Variants in CACNA1D observed in about 807,000 individuals in gnomAD.
The protein encoded by CACNA1D is voltage-dependent L-type calcium channel subunit alpha-1D.
CACNA1D carries 55 observed loss-of-function variants against 257.1 expected under a neutral mutation model. The ratio of observed to expected loss-of-function variants is 0.21; its 90% CI spans 0.17 to 0.27. CACNA1D has a LOEUF of 0.27. Ranked by LOEUF, CACNA1D falls within the 10% of genes least tolerant of loss-of-function variation. CACNA1D has a pLI of 1.00. For missense variants in CACNA1D, 1,876 were observed against 2,784.0 expected (o/e 0.67, Z 7.34); for synonymous variants, 980 against 1,014.9 (o/e 0.97, Z 0.65).
At chr3:53,635,951 A>G (rs1379356475) in intron 3 of CACNA1D, among the ~76,000 whole-genome samples, 1 of 152,050 alleles carries the variant, frequency 6.6e-6, no homozygotes, top group Admixed American at 6.5e-5. Context: ...TGCTCTAGAA[A>G]CCAACCACCG....
chr3:53,547,317 GA>G (rs1385130202), intron 3 of CACNA1D, among the ~76,000 whole-genome samples: 6 of 152,158 alleles, frequency 3.9e-5, no homozygotes, highest in Non-Finnish European at 8.8e-5. Flanking sequence ...CCTGTGTTAG[GA>G]ATGCTGCTAA....
Position 53,722,303 on chromosome 3 carries a change from T to G in CACNA1D, c.1506-11T>G, listed in dbSNP as rs1325439690. ...CTGTCATCTACGTAGTAATGTTTGC[T>G]TGTCTTTTAGCCGACGCTGGCGTCG... On this transcript the variant is annotated splice_polypyrimidine_tract_variant and intron_variant, in intron 11 of 47. Coordinates refer to ENST00000350061, the MANE Select transcript of CACNA1D (RefSeq NM_001128840.3). 6.2e-7 allele frequency: 1 copy of G among 1,614,012 alleles called. No individual in the cohort carries two copies. The highest frequency in any genetic ancestry group is 8.5e-7 in the Non-Finnish European group (1 of 1,180,002).
intron 3 of CACNA1D, among the ~76,000 whole-genome samples, chr3:53,566,266 C>G (rs982819665): frequency 1.1e-4 from 17 of 152,104 alleles, no homozygotes; most frequent in African/African-American, 3.6e-4. Flanking sequence ...TTACTGACAT[C>G]CCCCTTCTCT....
chr3:53,622,766 C>T (rs2093710958), intron 3 of CACNA1D, among the ~76,000 whole-genome samples: 1 of 152,034 alleles, frequency 6.6e-6, no homozygotes, highest in Admixed American at 6.5e-5. Flanking sequence ...GTAGAAACAG[C>T]ATAGATGTCC....
At chr3:53,702,522 G>T in intron 8 of CACNA1D, 119 bp from the exon 9 acceptor site, 1 of 918,640 alleles carries the variant, frequency 1.1e-6, no homozygotes, top group South Asian at 1.5e-5. Context: ...CTGTGCTCAT[G>T]TGACTATACT....
intron 5 of CACNA1D, among the ~76,000 whole-genome samples, chr3:53,664,274 G>T (rs1475404130): frequency 6.6e-6 from 1 of 152,070 alleles, no homozygotes; most frequent in Non-Finnish European, 1.5e-5. Context: ...TTTGCCTCAA[G>T]ACCCTGGCTC....
intron 3 of CACNA1D, among the ~76,000 whole-genome samples, chr3:53,589,706 C>T (rs1258832946): frequency 6.6e-6 from 1 of 152,148 alleles, no homozygotes; most frequent in Non-Finnish European, 1.5e-5. Flanking sequence ...AACTCCTGGC[C>T]TCGAGTGATC....
At chr3:53,792,864 T>C (rs888385022) in intron 40 of CACNA1D, among the ~76,000 whole-genome samples, 1 of 152,140 alleles carries the variant, frequency 6.6e-6, no homozygotes, top group African/African-American at 2.4e-5. Context: ...ATTATGGAAA[T>C]GGGCCTAGCT....
In CACNA1D at chr3:53,732,915, C is replaced by T. The variant is rs750037377; in HGVS notation, c.2574C>T (p.Ala858=). The T allele has an allele frequency of 6.2e-7, 1 of 1,613,954 alleles. No individual in the cohort carries two copies. Among genetic ancestry groups the T allele is most frequent in the Admixed American group, 1.7e-5 (1 of 60,002 alleles). The change falls in exon 19 of 48, where the codon GCC becomes GCT. Residue 858 remains alanine, a synonymous_variant. Transcript: ENST00000350061. ...AGTTGAACATGAAGGAAAAAATTGC[C>T]CCCATCCCTGAAGGGAGCGCTTTCT... ...ISELNMKEKI[A]PIPEGSAFFI...
rs72966334 is a variant in CACNA1D, at chr3:53,595,335, A to G, written c.484-55444A>G. Among the ~76,000 whole-genome samples, 1,122 of 152,302 alleles carry G rather than the reference A, an allele frequency of 7.4e-3. 12 individuals are homozygous for G. The highest frequency in any genetic ancestry group is 0.025 in the African/African-American group (1,051 of 41,540). On this transcript the variant is annotated intron_variant, in intron 3 of 47. Coordinates refer to ENST00000350061, the MANE Select transcript of CACNA1D (RefSeq NM_001128840.3). ...GCATTTGGAGGATTTGGGTGGATCT[A>G]AGAATATTTTCATTTGGAAGAACAG...
rs370024486 is a variant in CACNA1D, at chr3:53,718,731, C to T, written c.1478+343C>T. On this transcript the variant is annotated intron_variant, in intron 10 of 47. Transcript: ENST00000350061. ...GGCCAAGGCGGGGCCCTCTGGGTGT[C>T]GGCGGTGGGGGTAAAGGCCTGATTC... 8.7e-5 allele frequency: 136 copies of T among 1,556,432 alleles called. No homozygotes were observed. The highest frequency in any genetic ancestry group is 8.5e-5 in the Non-Finnish European group (98 of 1,150,474).
Position 53,508,224 on chromosome 3 carries a change from C to T in CACNA1D, c.483+6504C>T, listed in dbSNP as rs140169390. On this transcript the variant is annotated intron_variant, in intron 3 of 47. Coordinates refer to ENST00000350061, the MANE Select transcript of CACNA1D (RefSeq NM_001128840.3). Reference sequence around the variant, plus strand: ...TTGTTACATAGGTAAATGCATGCCACGGTGGTTTGCCGCACCTATCAACCC... The same window carrying T: ...TTGTTACATAGGTAAATGCATGCCATGGTGGTTTGCCGCACCTATCAACCC... 1.8e-3 allele frequency among the ~76,000 whole-genome samples: 276 copies of T among 152,236 alleles called. 13 individuals are homozygous for T. In the East Asian group the frequency reaches 0.041, roughly 23 times the overall value.
chr3:53,517,168 G>GGA (rs1559779255), intron 3 of CACNA1D, among the ~76,000 whole-genome samples: 2 of 151,654 alleles, frequency 1.3e-5, no homozygotes, highest in Admixed American at 1.3e-4. Flanking sequence ...AGGGCCTCGA[G>GGA]GAGAGGACTT....
chr3:53,770,296 G>A (rs1306475471), intron 31 of CACNA1D, 128 bp from the exon 32 acceptor site: 1 of 955,100 alleles, frequency 1.0e-6, no homozygotes, highest in Admixed American at 1.8e-5. Context: ...TGCTTTTTAA[G>A]ATGAAAAGGC....
chr3:53,776,554 C>G (rs369159669), intron 35 of CACNA1D, 49 bp from the exon 36 acceptor site: 1 of 1,611,884 alleles, frequency 6.2e-7, no homozygotes, highest in East Asian at 2.2e-5. Flanking sequence ...TCAGTTCTAA[C>G]GCAATCCAGC....
At chr3:53,726,241 G>C (rs1322554311) in intron 14 of CACNA1D, among the ~76,000 whole-genome samples, 1 of 152,208 alleles carries the variant, frequency 6.6e-6, no homozygotes, top group Non-Finnish European at 1.5e-5. Context: ...TTTTCTTTGT[G>C]TGTAAACGTG....
intron 3 of CACNA1D, among the ~76,000 whole-genome samples, chr3:53,616,284 G>T (rs1019998744): frequency 1.3e-5 from 2 of 152,182 alleles, no homozygotes; most frequent in African/African-American, 4.8e-5. Flanking sequence ...CGGCCCCCCG[G>T]TTCATATCAT....
Position 53,612,536 on chromosome 3 carries a change from C to T in CACNA1D, c.484-38243C>T, listed in dbSNP as rs538316883. On this transcript the variant is annotated intron_variant, in intron 3 of 47. Coordinates refer to ENST00000350061, the MANE Select transcript of CACNA1D (RefSeq NM_001128840.3). ...CGAATGCTGGGATCTGTTCAGCTCA[C>T]AGTTTCAGAGTTGCTTTTTGCTTAG... Among the ~76,000 whole-genome samples the T allele has an allele frequency of 2.6e-5, 4 of 152,348 alleles. No homozygotes were observed. In the South Asian group the frequency reaches 8.3e-4, roughly 32 times the overall value.
intron 3 of CACNA1D, among the ~76,000 whole-genome samples, chr3:53,509,004 T>G (rs1175986172): frequency 3.3e-5 from 5 of 151,792 alleles, no homozygotes; most frequent in Non-Finnish European, 7.4e-5. Context: ...GATCCAGGAG[T>G]AGATGTTAGC....
Sources: allele counts gnomAD v4.1 joint callset (sites outside exome capture counted in the v4.1 genomes callset), GRCh38; gene constraint gnomAD v4.1.1; transcripts MANE v1.5; gene names NCBI Gene and HGNC (gene_info 2026-07-23, HGNC 2026-07-21).